The following GLDC variants were observed in gnomAD, a reference collection of about 807,000 sequenced individuals.
GLDC encodes glycine dehydrogenase (decarboxylating), mitochondrial.
A neutral mutation model predicts 121.3 loss-of-function variants in GLDC; 104 were observed. That is an observed-to-expected ratio of 0.86 (90% CI 0.73 to 1.01). The LOEUF (loss-of-function observed/expected upper bound fraction) is 1.01. Among genes scored for constraint, GLDC ranks in the 50% least tolerant of loss-of-function variants. The probability of loss-of-function intolerance (pLI) is 0.00; values close to 1 mark genes in which losing one functional copy is unlikely to be tolerated. For synonymous variants in GLDC, 546 were observed against 480.6 expected, an observed-to-expected ratio of 1.14 and a Z score of -1.78; for missense variants, 1,429 against 1,306.6, an observed-to-expected ratio of 1.09 and a Z score of -1.44.
At chr9:6,629,957 A>ATATATATATATATTTTT in intron 2 of GLDC, among the ~76,000 whole-genome samples, 3 of 83,102 alleles carry the variant, frequency 3.6e-5, no homozygotes, top group East Asian at 4.0e-4. Flanking sequence ...ATATATATAT[A>ATATATATATATATTTTT]TTTTTTTTTT....
chr9:6,629,958 T>TATATATATATATGTATATATATA, intron 2 of GLDC, among the ~76,000 whole-genome samples: 2 of 78,678 alleles, frequency 2.5e-5, no homozygotes, highest in Non-Finnish European at 4.9e-5. Flanking sequence ...TATATATATA[T>TATATATATATATGTATATATATA]TTTTTTTTTT....
chr9:6,588,190 A>G (rs2129835501), intron 14 of GLDC, among the ~76,000 whole-genome samples: 1 of 152,330 alleles, frequency 6.6e-6, no homozygotes, highest in East Asian at 1.9e-4. Flanking sequence ...TTTTATTAAA[A>G]AATAATAAGT....
chr9:6,573,339 T>C (rs986766076), intron 15 of GLDC, among the ~76,000 whole-genome samples: 1 of 152,038 alleles, frequency 6.6e-6, no homozygotes, highest in Non-Finnish European at 1.5e-5. Context: ...CACACACCTG[T>C]AATCCCAGCT....
intron 21 of GLDC, among the ~76,000 whole-genome samples, chr9:6,547,654 T>C (rs1817424226): frequency 6.6e-6 from 1 of 151,940 alleles, no homozygotes; most frequent in African/African-American, 2.4e-5. Flanking sequence ...CAAAATTCTT[T>C]AAAATTTCAA....
intron 15 of GLDC, among the ~76,000 whole-genome samples, chr9:6,571,071 T>C (rs1284176472): frequency 6.6e-6 from 1 of 151,922 alleles, no homozygotes; most frequent in Non-Finnish European, 1.5e-5. Context: ...AGCTAAAATA[T>C]ACATCATCCT....
chr9:6,628,577 G>A (rs1291979875), intron 2 of GLDC, among the ~76,000 whole-genome samples: 1 of 152,186 alleles, frequency 6.6e-6, no homozygotes, highest in African/African-American at 2.4e-5. Context: ...GATTGTTTGA[G>A]CCCAGGAGTT....
At chr9:6,633,915 T>C (rs1379747329) in intron 2 of GLDC, among the ~76,000 whole-genome samples, 1 of 139,242 alleles carries the variant, frequency 7.2e-6, no homozygotes, top group Non-Finnish European at 1.5e-5. Flanking sequence ...CTGCAAGCTG[T>C]GCCTCCCGGG....
At chr9:6,591,712 G>A (rs768774434) in intron 11 of GLDC, 8 of 214,794 alleles carry the variant, frequency 3.7e-5, no homozygotes, top group Admixed American at 3.1e-4. Flanking sequence ...AGCCTCCTGA[G>A]TAACTGGGAT....
chr9:6,606,595 GCT>G lies in GLDC; in HGVS notation c.708_709del (p.Ala237GlnfsTer8), dbSNP rs1313841674. ...AAACACGAATCAAATTAATTACTTG[GCT>G]CGAGTCTGGACAACAGCTATTGTCT... On this transcript the variant is annotated frameshift_variant, in exon 5 of 25. Coordinates refer to ENST00000321612, the MANE Select transcript of GLDC (RefSeq NM_000170.3). LOFTEE classifies it high-confidence loss of function. 1.3e-6 allele frequency: 2 copies of G among 1,568,798 alleles called. No individual in the cohort carries two copies. Among genetic ancestry groups the G allele is most frequent in the Non-Finnish European group, 1.8e-6 (2 of 1,138,860 alleles).
intron 3 of GLDC, among the ~76,000 whole-genome samples, chr9:6,617,762 C>T (rs1360064915): frequency 6.6e-6 from 1 of 152,152 alleles, no homozygotes; most frequent in African/African-American, 2.4e-5. Context: ...AGCACATGCA[C>T]CCACCAGGAT....
rs368832231 is a variant in GLDC, at chr9:6,550,748, C to T, written c.2569+55G>A. ...GTCAGAAAAGCGCATCTAGGTCAAA[C>T]TTAGTTTGGCCAAGAAAAAAACCAA... On this transcript the variant is annotated intron_variant, in intron 21 of 24. Coordinates refer to ENST00000321612, the MANE Select transcript of GLDC (RefSeq NM_000170.3). 5 of 1,118,494 alleles carry T rather than the reference C, an allele frequency of 4.5e-6. No homozygotes were observed. The African/African-American group carries it at 6.1e-5, about 14-fold the overall frequency. The allele number at this position is 1,118,494 out of a possible 1,614,324, so 69.3% of individuals were successfully genotyped here.
intron 22 of GLDC, among the ~76,000 whole-genome samples, chr9:6,538,111 A>AT (rs112958622): frequency 0.026 from 3,786 of 145,938 alleles, 131 homozygotes; most frequent in African/African-American, 0.08. Context: ...CCAGACAGGG[A>AT]TTTTTTTTTT....
intron 7 of GLDC, among the ~76,000 whole-genome samples, chr9:6,604,368 A>T (rs553019946): frequency 1.3e-4 from 20 of 152,338 alleles, no homozygotes; most frequent in Admixed American, 1.2e-3. Flanking sequence ...GATACATTGT[A>T]AATTATACAC....
intron 2 of GLDC, among the ~76,000 whole-genome samples, chr9:6,637,138 G>A (rs1819520782): frequency 6.6e-6 from 1 of 151,398 alleles, no homozygotes; most frequent in Non-Finnish European, 1.5e-5. Context: ...TGTAATGCCA[G>A]CACTTTGGAA....
chr9:6,544,412 A>G, intron 21 of GLDC, among the ~76,000 whole-genome samples: 1 of 152,162 alleles, frequency 6.6e-6, no homozygotes, highest in Admixed American at 6.5e-5. Context: ...AAAACAAAAA[A>G]AAAGGCAGAA....
chr9:6,613,673 G>C (rs1321510710), intron 3 of GLDC, among the ~76,000 whole-genome samples: 1 of 152,070 alleles, frequency 6.6e-6, no homozygotes, highest in African/African-American at 2.4e-5. Context: ...GAATACTTTT[G>C]ATTTCAAATA....
rs866990739 is a variant in GLDC at position 6,608,821 on chromosome 9, G to T, written c.635+1371C>A. Among the ~76,000 whole-genome samples, 12 of 152,022 alleles carry T rather than the reference G, an allele frequency of 7.9e-5. No homozygotes were observed. In the South Asian group the frequency reaches 2.5e-3, roughly 32 times the overall value. On this transcript the variant is annotated intron_variant, in intron 4 of 24. Transcript: ENST00000321612. Reference sequence around the variant, plus strand: ...AAAAGCAATTTTTTAAAAAAAGAGGGAAGATGAAAATTAGCAAAAAGCTGA... The same window carrying T: ...AAAAGCAATTTTTTAAAAAAAGAGGTAAGATGAAAATTAGCAAAAAGCTGA...
chr9:6,622,151 CACACACAG>C (rs927594592), intron 2 of GLDC, among the ~76,000 whole-genome samples: 2 of 107,118 alleles, frequency 1.9e-5, no homozygotes, highest in African/African-American at 9.3e-5. Context: ...CTCCACCACA[CACACACAG>C]ACACACACAC....
At chr9:6,549,492 G>A (rs1817465270) in intron 21 of GLDC, among the ~76,000 whole-genome samples, 1 of 152,156 alleles carries the variant, frequency 6.6e-6, no homozygotes, top group Non-Finnish European at 1.5e-5. Context: ...TGCCTCAGGT[G>A]TGGAGTGCCC....
Sources: gnomAD v4.1 joint callset for allele counts (sites outside exome capture counted in the v4.1 genomes callset) on GRCh38, gnomAD v4.1.1 for gene constraint, MANE v1.5 for transcripts, NCBI Gene and HGNC (gene_info 2026-07-23, HGNC 2026-07-21) for gene names.